SLK: variants seen among roughly 807,000 people sequenced by gnomAD.
SLK encodes the protein STE20-like serine/threonine-protein kinase.
Under a neutral mutation model 147.7 loss-of-function variants are expected in SLK, and 67 were observed. The observed-to-expected ratio is 0.45, with a 90% CI of 0.37 to 0.56. The LOEUF is 0.56. Among genes scored for constraint, SLK ranks in the 20% least tolerant of loss-of-function variants. SLK has a pLI of 0.00. For missense variants in SLK, 1,136 were observed against 1,438.8 expected (o/e 0.79, Z 3.41); for synonymous variants, 441 against 475.0 (o/e 0.93, Z 0.93).
intron 4 of SLK, 95 bp from the exon 5 acceptor site, chr10:103,998,804 G>C: frequency 1.3e-6 from 1 of 744,426 alleles, no homozygotes; most frequent in Non-Finnish European, 2.3e-6. Flanking sequence ...AATAAGATTA[G>C]CCTTATTAAA....
In SLK at chr10:103,999,046, A is replaced by G. The variant is rs904309391; in HGVS notation, c.588-73A>G. 5.2e-6 allele frequency: 8 copies of G among 1,538,874 alleles called. No homozygotes were observed. In the East Asian group the frequency reaches 1.8e-4, roughly 35 times the overall value. ...TAATTACTCATGAATTTTTGTCCAC[A>G]TAATTGATTATACCATGTGTTTTGC... On this transcript the variant is annotated intron_variant, in intron 5 of 18. Coordinates refer to ENST00000369755, the MANE Select transcript of SLK (RefSeq NM_014720.4).
chr10:104,001,709 C>G lies in SLK; in HGVS notation c.993+137C>G, dbSNP rs112917054. 145 of 883,752 alleles carry G rather than the reference C, an allele frequency of 1.6e-4. 1 individual carries two copies. In the African/African-American group the frequency reaches 2.1e-3, roughly 13 times the overall value. The allele number at this position is 883,752 out of a possible 1,614,324, so 54.7% of individuals were successfully genotyped here. On this transcript the variant is annotated intron_variant, in intron 8 of 18. Coordinates refer to ENST00000369755, the MANE Select transcript of SLK (RefSeq NM_014720.4). The stretch of plus-strand genomic sequence containing the variant: ...CCTGAAGATTAGTAGCAAGGTTGCT[C>G]GTCGCTGCACATTTTTGTTATATTT...
At chr10:103,975,254 A>G (rs1026015705) in intron 1 of SLK, among the ~76,000 whole-genome samples, 1 of 152,026 alleles carries the variant, frequency 6.6e-6, no homozygotes. Context: ...TGTCTCACAG[A>G]TACCTTAAAC....
At chr10:103,991,410 C>T (rs1844091782) in intron 2 of SLK, among the ~76,000 whole-genome samples, 1 of 152,040 alleles carries the variant, frequency 6.6e-6, no homozygotes, top group Non-Finnish European at 1.5e-5. Flanking sequence ...CTGTCAATCA[C>T]TTGTTCTGTA....
chr10:104,011,321 A>C (rs953608253), intron 13 of SLK, among the ~76,000 whole-genome samples: 4 of 152,240 alleles, frequency 2.6e-5, no homozygotes, highest in African/African-American at 7.2e-5. Flanking sequence ...TATTTCTATA[A>C]AGTGCAGTTA....
In SLK at chr10:103,990,727, A is replaced by G; in HGVS notation, c.203A>G (p.Lys68Arg). ...GCTGCTGCAAAAGTGATTGACACTA[A>G]ATCTGAAGAAGAACTTGAAGATTAC... ...VLAAAKVIDT[K>R]SEEELEDYMV... Residue 68 changes from lysine to arginine, a missense_variant, in exon 2 of 19, where the codon AAA becomes AGA. Around this residue, in one of 6 missense-constraint regions of SLK, gnomAD observed 126 missense variants for 141.3 expected, o/e 0.89. Coordinates refer to ENST00000369755, the MANE Select transcript of SLK (RefSeq NM_014720.4). 6.4e-7 allele frequency: 1 copy of G among 1,573,664 alleles called. No individual in the cohort carries two copies. The highest frequency in any genetic ancestry group is 8.6e-7 in the Non-Finnish European group (1 of 1,162,920).
rs757756541 is a variant in SLK, at chr10:104,002,288, T to C, written c.1110T>C (p.Ser370=). 3.1e-6 allele frequency: 5 copies of C among 1,613,846 alleles called. No homozygotes were observed. The Admixed American group carries it at 8.3e-5, about 27-fold the overall frequency. Residue 370 remains serine (S), a synonymous_variant, in exon 9 of 19, where the codon AGT becomes AGC. Transcript: ENST00000369755. ...LESVSEKTER[S]NSEDKLNSKI... is the part of the protein sequence containing the mutation. ...CTGTCTCAGAAAAAACAGAACGTAGTAACTCTGAAGATAAACTCAACAGCA... is the reference window on the plus strand; with the variant it reads ...CTGTCTCAGAAAAAACAGAACGTAGCAACTCTGAAGATAAACTCAACAGCA...
At chr10:103,978,734 A>G (rs1213109534) in intron 1 of SLK, among the ~76,000 whole-genome samples, 1 of 152,174 alleles carries the variant, frequency 6.6e-6, no homozygotes, top group Non-Finnish European at 1.5e-5. Context: ...TGGAGTATAA[A>G]AACAATATTT....
At chr10:103,984,125 A>C (rs1475701818) in intron 1 of SLK, among the ~76,000 whole-genome samples, 1 of 152,208 alleles carries the variant, frequency 6.6e-6, no homozygotes, top group South Asian at 2.1e-4. Context: ...CCTAACTGAT[A>C]CAAGGATTAA....
chr10:104,019,771 T>C lies in SLK; in HGVS notation c.3170T>C (p.Ile1057Thr), dbSNP rs763343355. 1.2e-5 allele frequency: 19 copies of C among 1,614,122 alleles called. No homozygotes were observed. Among genetic ancestry groups the C allele is most frequent in the South Asian group, 9.9e-5 (9 of 91,080 alleles). Residue 1057 changes from isoleucine (I) to threonine (T), a missense_variant, in exon 16 of 19, where the codon ATT (isoleucine) becomes ACT (threonine). Ile to Thr is a moderately conservative substitution (Grantham distance 89, BLOSUM62 -1). Transcript: ENST00000369755. ...ATGCAGCGTTACAATCAAAGACTTA[T>C]TGAGGAATTGAAAAACAGACAGACT... ...EQMQRYNQRL[I>T]EELKNRQTQE... is the part of the protein sequence containing the mutation.
intron 11 of SLK, 38 bp from the exon 12 acceptor site, chr10:104,008,139 A>T: frequency 1.1e-5 from 16 of 1,520,456 alleles, no homozygotes; most frequent in Non-Finnish European, 1.4e-5. Flanking sequence ...AATATGGGTG[A>T]TGGAAAAGTT....
At chr10:103,976,343 G>A (rs958535690) in intron 1 of SLK, among the ~76,000 whole-genome samples, 3 of 152,216 alleles carry the variant, frequency 2.0e-5, no homozygotes, top group Admixed American at 6.5e-5. Context: ...CTTCCAAAGC[G>A]GTTGTACCAA....
intron 17 of SLK, among the ~76,000 whole-genome samples, chr10:104,021,085 C>T (rs1318191331): frequency 1.3e-5 from 2 of 152,070 alleles, no homozygotes; most frequent in East Asian, 1.9e-4. Flanking sequence ...AAAAGTTATT[C>T]GAGAGAGGGC....
intron 13 of SLK, among the ~76,000 whole-genome samples, chr10:104,015,515 A>G (rs1484743988): frequency 6.6e-6 from 1 of 152,208 alleles, no homozygotes; most frequent in Non-Finnish European, 1.5e-5. Context: ...TACTAAGGGA[A>G]GGGACCCACT....
rs549963354 is a variant in SLK at position 103,970,587 on chromosome 10, A to G, written c.150+2692A>G. ...AAAATAAAATTTGAAATTAAAACTTATCTGTCTTCTTATGGCCTCTTTTTT... is the reference window on the plus strand; with the variant it reads ...AAAATAAAATTTGAAATTAAAACTTGTCTGTCTTCTTATGGCCTCTTTTTT... On this transcript the variant is annotated intron_variant, in intron 1 of 18. Coordinates refer to ENST00000369755, the MANE Select transcript of SLK (RefSeq NM_014720.4). Among the ~76,000 whole-genome samples the G allele has an allele frequency of 2.0e-5, 3 of 152,132 alleles. No individual in the cohort carries two copies. The South Asian group carries it at 6.2e-4, about 32-fold the overall frequency.
intron 9 of SLK, among the ~76,000 whole-genome samples, chr10:104,004,261 A>C (rs920095176): frequency 6.6e-6 from 1 of 152,180 alleles, no homozygotes; most frequent in African/African-American, 2.4e-5. Context: ...TAGTCTGCCT[A>C]TCTGCCCCAA....
chr10:103,996,315 T>C (rs986700840), intron 4 of SLK, among the ~76,000 whole-genome samples: 1 of 152,044 alleles, frequency 6.6e-6, no homozygotes, highest in African/African-American at 2.4e-5. Context: ...TCATGTGCTC[T>C]TTTTGCTTAG....
intron 15 of SLK, among the ~76,000 whole-genome samples, 194 bp from the exon 16 acceptor site, chr10:104,019,540 G>A (rs941704436): frequency 6.6e-6 from 1 of 152,124 alleles, no homozygotes; most frequent in African/African-American, 2.4e-5. Context: ...CCAAAGTGCT[G>A]GGATTACAGG....
intron 18 of SLK, among the ~76,000 whole-genome samples, chr10:104,022,275 A>G (rs958536002): frequency 5.3e-5 from 8 of 152,142 alleles, no homozygotes; most frequent in Non-Finnish European, 1.2e-4. Flanking sequence ...GAACAGGTCA[A>G]CTGGAGCCAT....
Sources: gnomAD v4.1 joint callset for allele counts (sites outside exome capture counted in the v4.1 genomes callset) on GRCh38, gnomAD v4.1.1 for gene constraint, gnomAD v4.1.1 regional missense constraint, MANE v1.5 for transcripts, NCBI Gene and HGNC (gene_info 2026-07-23, HGNC 2026-07-21) for gene names.